Variants in SIL1 observed in about 807,000 individuals in gnomAD.
The protein encoded by SIL1 is SIL1 nucleotide exchange factor, also known as nucleotide exchange factor SIL1.
In SIL1, 40 loss-of-function variants were observed where a neutral mutation model predicts 49.1. That is an observed-to-expected ratio of 0.81 (90% CI 0.63 to 1.06). The LOEUF (loss-of-function observed/expected upper bound fraction) is 1.06, where lower values mean the gene tolerates loss of function less well. SIL1 is among the 50% of genes least tolerant of loss of function. The pLI is 0.00. For synonymous variants in SIL1, 253 were observed against 250.8 expected (o/e 1.01, Z -0.08); for missense variants, 500 against 572.6 (o/e 0.87, Z 1.29).
At chr5:138,999,819 G>GC (rs1767950098) in intron 7 of SIL1, among the ~76,000 whole-genome samples, 1 of 152,142 alleles carries the variant, frequency 6.6e-6, no homozygotes, top group Non-Finnish European at 1.5e-5. Flanking sequence ...GATTGCTTGA[G>GC]CCCAGCAGGT....
At chr5:139,051,252 G>C (rs1056128048) in intron 3 of SIL1, 10 of 601,336 alleles carry the variant, frequency 1.7e-5, no homozygotes, top group Non-Finnish European at 3.0e-5. Flanking sequence ...AAATCTGTAA[G>C]GGAATGACGT....
intron 3 of SIL1, among the ~76,000 whole-genome samples, chr5:139,090,308 TCTAC>T (rs893345094): frequency 6.6e-6 from 1 of 152,154 alleles, no homozygotes; most frequent in Admixed American, 6.5e-5. Flanking sequence ...CTCACCCTCT[TCTAC>T]CTGACTGTTA....
chr5:138,991,698 T>C (rs1329183065), intron 7 of SIL1, among the ~76,000 whole-genome samples: 3 of 152,214 alleles, frequency 2.0e-5, no homozygotes, highest in African/African-American at 4.8e-5. Context: ...TATTGAACTA[T>C]GGTTACAGAA....
intron 7 of SIL1, among the ~76,000 whole-genome samples, chr5:138,983,364 C>T (rs964837849): frequency 2.0e-5 from 3 of 151,388 alleles, no homozygotes; most frequent in African/African-American, 4.8e-5. Context: ...AAAAATTAGC[C>T]AGGCGTGGTG....
At chr5:139,148,793 G>A (rs966897352) in intron 1 of SIL1, among the ~76,000 whole-genome samples, 12 of 152,162 alleles carry the variant, frequency 7.9e-5, no homozygotes, top group African/African-American at 2.9e-4. Flanking sequence ...CTCTCAGTAA[G>A]TCTTACTTTT....
At chr5:139,058,910 C>T (rs1769519115) in intron 3 of SIL1, among the ~76,000 whole-genome samples, 1 of 151,122 alleles carries the variant, frequency 6.6e-6, no homozygotes, top group Non-Finnish European at 1.5e-5. Context: ...TAGGTGTGTT[C>T]ATTAATACTA....
chr5:138,964,323 G>A (rs184246217), intron 7 of SIL1, among the ~76,000 whole-genome samples: 186 of 152,314 alleles, frequency 1.2e-3, no homozygotes, highest in African/African-American at 4.2e-3. Context: ...ATTAACAGCC[G>A]ACAGAGACGC....
chr5:139,167,034 G>C (rs550200643), intron 1 of SIL1, among the ~76,000 whole-genome samples: 3 of 152,144 alleles, frequency 2.0e-5, no homozygotes, highest in South Asian at 4.2e-4. Context: ...GGATGGTCTC[G>C]ATCTCCTGAC....
At chr5:139,107,848 A>G (rs1770751178) in intron 3 of SIL1, among the ~76,000 whole-genome samples, 1 of 152,240 alleles carries the variant, frequency 6.6e-6, no homozygotes, top group Non-Finnish European at 1.5e-5. Context: ...ACTATTTAAA[A>G]TAACCCTCTG....
intron 3 of SIL1, among the ~76,000 whole-genome samples, chr5:139,059,297 C>G (rs985610658): frequency 6.6e-6 from 1 of 151,992 alleles, no homozygotes; most frequent in South Asian, 2.1e-4. Flanking sequence ...AAGGGCAGTT[C>G]CCCTGCACAC....
At chr5:139,088,341 A>C (rs1272532095) in intron 3 of SIL1, among the ~76,000 whole-genome samples, 2 of 152,208 alleles carry the variant, frequency 1.3e-5, no homozygotes, top group Admixed American at 1.3e-4. Context: ...CTGACAATAA[A>C]GCCTTTCTAA....
chr5:139,182,743 T>C (rs1346095658), intron 1 of SIL1, among the ~76,000 whole-genome samples: 1 of 152,176 alleles, frequency 6.6e-6, no homozygotes, highest in East Asian at 1.9e-4. Flanking sequence ...GTGCTTACCA[T>C]GTATATATCT....
At chr5:138,964,658 A>G (rs530373938) in intron 7 of SIL1, among the ~76,000 whole-genome samples, 1 of 152,340 alleles carries the variant, frequency 6.6e-6, no homozygotes, top group Non-Finnish European at 1.5e-5. Context: ...CAAAACGTAA[A>G]TGGTTTGTTT....
chr5:139,184,945 AC>A (rs1752052777), intron 1 of SIL1, among the ~76,000 whole-genome samples: 2 of 152,176 alleles, frequency 1.3e-5, no homozygotes, highest in Non-Finnish European at 2.9e-5. Flanking sequence ...TGAAGAGAAG[AC>A]CACACATGGG....
chr5:139,006,607 T>C (rs1768123932), intron 7 of SIL1, among the ~76,000 whole-genome samples: 1 of 152,108 alleles, frequency 6.6e-6, no homozygotes, highest in Non-Finnish European at 1.5e-5. Context: ...TAAATCTTTT[T>C]TTTTAATCCA....
chr5:139,066,837 C>G (rs765474979), intron 3 of SIL1, among the ~76,000 whole-genome samples: 1 of 152,136 alleles, frequency 6.6e-6, no homozygotes, highest in African/African-American at 2.4e-5. Flanking sequence ...TCCCTGGTAC[C>G]TGGGACTACA....
intron 7 of SIL1, among the ~76,000 whole-genome samples, chr5:138,979,090 G>A (rs1212678386): frequency 3.3e-5 from 5 of 151,226 alleles, no homozygotes; most frequent in African/African-American, 4.9e-5. Flanking sequence ...TTTTTGAGAA[G>A]GAGTCTCGCT....
chr5:138,973,234 GAATA>G (rs1298678959), intron 7 of SIL1, among the ~76,000 whole-genome samples: 1 of 139,622 alleles, frequency 7.2e-6, no homozygotes, highest in Non-Finnish European at 1.5e-5. Flanking sequence ...GGTTGTGTAA[GAATA>G]AAGTGGCCCA....
intron 3 of SIL1, among the ~76,000 whole-genome samples, chr5:139,055,789 G>A (rs1035386902): frequency 9.4e-5 from 12 of 127,450 alleles, no homozygotes; most frequent in Non-Finnish European, 1.7e-4. Context: ...TCCTGCCTCA[G>A]CCTGCCGAGT....
Sources: allele counts gnomAD v4.1 joint callset (sites outside exome capture counted in the v4.1 genomes callset), GRCh38; gene constraint gnomAD v4.1.1; transcripts MANE v1.5; gene names NCBI Gene and HGNC (gene_info 2026-07-23, HGNC 2026-07-21).